Variants in CFAP206 observed in about 807,000 individuals in gnomAD.
CFAP206 encodes the protein cilia- and flagella-associated protein 206.
CFAP206 carries 53 observed loss-of-function variants against 65.4 expected under a neutral mutation model. The observed-to-expected ratio is 0.81, with a 90% CI of 0.65 to 1.02. The LOEUF (loss-of-function observed/expected upper bound fraction) is 1.02, where lower values mean the gene tolerates loss of function less well. Ranked by LOEUF, CFAP206 falls within the 50% of genes least tolerant of loss-of-function variation. The probability of loss-of-function intolerance (pLI) is 0.00; values close to 1 mark genes in which losing one functional copy is unlikely to be tolerated. For missense variants in CFAP206, 663 were observed against 753.2 expected, an observed-to-expected ratio of 0.88 and a Z score of 1.40; for synonymous variants, 250 against 254.4, an observed-to-expected ratio of 0.98 and a Z score of 0.17.
chr6:87,413,849 C>G lies in CFAP206; in HGVS notation c.232C>G (p.Leu78Val), dbSNP rs1305360705. 3 of 1,568,986 alleles carry G rather than the reference C, an allele frequency of 1.9e-6. No individual in the cohort carries two copies. The Admixed American group carries it at 6.0e-5, about 31-fold the overall frequency. ...GCTATTGGATACTAAAAATCCATCC[C>G]TGGACACTATTAAGATGCAAGTCTA... is the stretch of plus-strand genomic sequence containing the variant. ...TRLLDTKNPS[L>V]DTIKMQVYFD... The change falls in exon 4 of 13, where the codon CTG (leucine) becomes GTG (valine). Residue 78 changes from leucine to valine, a missense_variant. Transcript: ENST00000369562.
chr6:87,430,921 G>A, intron 9 of CFAP206, 112 bp from the exon 10 acceptor site: 1 of 1,023,584 alleles, frequency 9.8e-7, no homozygotes, highest in Non-Finnish European at 1.4e-6. Flanking sequence ...TGCCCATCGG[G>A]AAAAGTACAA....
chr6:87,447,360 A>G (rs1768462537), intron 11 of CFAP206, among the ~76,000 whole-genome samples: 1 of 152,120 alleles, frequency 6.6e-6, no homozygotes, highest in South Asian at 2.1e-4. Flanking sequence ...GGTATCTTCC[A>G]TCAATACCTA....
At chr6:87,443,450 C>T (rs1432751168) in intron 11 of CFAP206, among the ~76,000 whole-genome samples, 1 of 151,924 alleles carries the variant, frequency 6.6e-6, no homozygotes. Context: ...TTTATATTTT[C>T]TTTTCTGATC....
intron 11 of CFAP206, among the ~76,000 whole-genome samples, chr6:87,453,258 G>A (rs1220908892): frequency 2.6e-5 from 4 of 152,036 alleles, no homozygotes; most frequent in Non-Finnish European, 5.9e-5. Context: ...AAACATGAAG[G>A]AAAAATAAAG....
At chr6:87,413,301 A>G (rs570302372) in intron 3 of CFAP206, among the ~76,000 whole-genome samples, 64 of 152,370 alleles carry the variant, frequency 4.2e-4, no homozygotes, top group Middle Eastern at 3.4e-3. Flanking sequence ...GAGCCATAAA[A>G]AATAATGAAA....
intron 11 of CFAP206, among the ~76,000 whole-genome samples, chr6:87,453,346 A>G (rs1201074532): frequency 6.6e-6 from 1 of 152,198 alleles, no homozygotes; most frequent in Non-Finnish European, 1.5e-5. Flanking sequence ...GAGTTCTTCA[A>G]TCTGAAAGAA....
intron 11 of CFAP206, among the ~76,000 whole-genome samples, chr6:87,446,731 A>C (rs983759607): frequency 1.3e-5 from 2 of 152,184 alleles, no homozygotes; most frequent in Non-Finnish European, 2.9e-5. Flanking sequence ...TCTGTGAAGT[A>C]TGTCAATGGT....
chr6:87,408,968 A>G (rs1368027030), intron 1 of CFAP206, among the ~76,000 whole-genome samples: 1 of 152,238 alleles, frequency 6.6e-6, no homozygotes, highest in Non-Finnish European at 1.5e-5. Context: ...ACTGATATTC[A>G]GGAAAATCAG....
chr6:87,418,013 C>T (rs557407570), intron 6 of CFAP206, among the ~76,000 whole-genome samples, 195 bp from the exon 7 acceptor site: 14 of 152,202 alleles, frequency 9.2e-5, no homozygotes, highest in African/African-American at 3.4e-4. Context: ...GCTAGGATTA[C>T]AGGTGTGAGC....
chr6:87,416,879 C>G, intron 6 of CFAP206, 52 bp downstream of exon 6: 1 of 1,479,378 alleles, frequency 6.8e-7, no homozygotes, highest in Non-Finnish European at 9.2e-7. Context: ...TAAAATTTAA[C>G]TTGCACAGTG....
chr6:87,445,267 A>T, intron 11 of CFAP206: 1 of 240,934 alleles, frequency 4.2e-6, no homozygotes, highest in East Asian at 1.3e-4. Flanking sequence ...TACACAGGTA[A>T]ATGTGTGCTG....
chr6:87,457,960 A>G (rs953209296), intron 11 of CFAP206, among the ~76,000 whole-genome samples: 2 of 152,238 alleles, frequency 1.3e-5, no homozygotes, highest in African/African-American at 4.8e-5. Context: ...AAGGAGCTCA[A>G]ACAACTCAAT....
intron 11 of CFAP206, among the ~76,000 whole-genome samples, chr6:87,450,560 G>T: frequency 1.7e-5 from 2 of 119,372 alleles, no homozygotes; most frequent in East Asian, 2.3e-4. Flanking sequence ...AAGTCTCAAA[G>T]CTACTTATGG....
chr6:87,450,475 A>ATTGTGTGTG (rs1768520554), intron 11 of CFAP206, among the ~76,000 whole-genome samples: 2 of 130,358 alleles, frequency 1.5e-5, no homozygotes, highest in Admixed American at 8.1e-5. Flanking sequence ...ATAAATGAAA[A>ATTGTGTGTG]TGTGTGTGTG....
At chr6:87,456,588 A>C (rs1311116557) in intron 11 of CFAP206, among the ~76,000 whole-genome samples, 4 of 152,214 alleles carry the variant, frequency 2.6e-5, no homozygotes, top group Non-Finnish European at 2.9e-5. Flanking sequence ...GCTTGTTTGC[A>C]GATGATATGA....
intron 6 of CFAP206, among the ~76,000 whole-genome samples, chr6:87,417,980 C>T (rs975475421): frequency 5.9e-5 from 9 of 151,820 alleles, no homozygotes; most frequent in East Asian, 1.9e-4. Flanking sequence ...CCTCGTGATC[C>T]GCCCGCCTCG....
intron 11 of CFAP206, among the ~76,000 whole-genome samples, chr6:87,460,797 A>C (rs539209603): frequency 9.9e-4 from 151 of 152,254 alleles, no homozygotes; most frequent in Non-Finnish European, 1.8e-3. Context: ...TTAAAAAAAA[A>C]CACCCCCTAC....
chr6:87,432,586 G>C (rs780419131), intron 10 of CFAP206, among the ~76,000 whole-genome samples: 1 of 152,182 alleles, frequency 6.6e-6, no homozygotes, highest in Non-Finnish European at 1.5e-5. Context: ...CTATGGGCTA[G>C]GGTTCAGAAG....
intron 7 of CFAP206, among the ~76,000 whole-genome samples, chr6:87,418,706 A>C (rs918467866): frequency 2.0e-5 from 3 of 152,196 alleles, no homozygotes; most frequent in Non-Finnish European, 4.4e-5. Flanking sequence ...TACTATGTTT[A>C]TTTTAGTTCA....
Sources: allele counts gnomAD v4.1 joint callset (sites outside exome capture counted in the v4.1 genomes callset), GRCh38; gene constraint gnomAD v4.1.1; transcripts MANE v1.5; gene names NCBI Gene and HGNC (gene_info 2026-07-23, HGNC 2026-07-21).